CNBD1: variants seen among roughly 807,000 people sequenced by gnomAD.
CNBD1 encodes the protein cyclic nucleotide binding domain containing 1, also known as cyclic nucleotide-binding domain-containing protein 1.
Under a neutral mutation model 54.4 loss-of-function variants are expected in CNBD1, and 71 were observed. The observed-to-expected ratio is 1.30, with a 90% confidence interval of 1.08 to 1.59. The LOEUF (loss-of-function observed/expected upper bound fraction) is 1.59, where lower values mean the gene tolerates loss of function less well. CNBD1 is among the 40% of genes most tolerant of loss of function. CNBD1 has a pLI of 0.00. For missense variants in CNBD1, 659 were observed against 518.0 expected (o/e 1.27, Z -2.64); for synonymous variants, 182 against 170.7 (o/e 1.07, Z -0.51).
At chr8:87,409,859 C>A (rs1807710738) in intron 2 of CNBD1, among the ~76,000 whole-genome samples, 1 of 151,982 alleles carries the variant, frequency 6.6e-6, no homozygotes, top group East Asian at 2.0e-4. Context: ...CCCATCTCTA[C>A]TAAAATAGAA....
chr8:86,949,008 G>A (rs910633833), intron 4 of CNBD1, among the ~76,000 whole-genome samples: 4 of 152,082 alleles, frequency 2.6e-5, no homozygotes, highest in South Asian at 2.1e-4. Context: ...TGAAGAGATT[G>A]TCCTTTCCTC....
chr8:87,418,581 A>G (rs904121905), intron 2 of CNBD1, among the ~76,000 whole-genome samples: 2 of 151,962 alleles, frequency 1.3e-5, no homozygotes, highest in Admixed American at 6.6e-5. Context: ...ATGACCTACA[A>G]AAAAGGAAAA....
intron 4 of CNBD1, among the ~76,000 whole-genome samples, chr8:87,003,837 C>T (rs2130548970): frequency 6.6e-6 from 1 of 152,162 alleles, no homozygotes; most frequent in Non-Finnish European, 1.5e-5. Flanking sequence ...GGGAGACTAA[C>T]CACTGCAGGA....
At chr8:87,233,431 G>A (rs1807504529) in intron 5 of CNBD1, among the ~76,000 whole-genome samples, 1 of 152,118 alleles carries the variant, frequency 6.6e-6, no homozygotes. Flanking sequence ...GCATTATCGT[G>A]TAGTCTATTA....
intron 8 of CNBD1, among the ~76,000 whole-genome samples, chr8:87,320,195 C>T (rs944841336): frequency 6.6e-6 from 1 of 151,978 alleles, no homozygotes; most frequent in Non-Finnish European, 1.5e-5. Context: ...ACTAGCTTAA[C>T]TTTTTATTGT....
intron 4 of CNBD1, among the ~76,000 whole-genome samples, chr8:87,010,201 TCCTA>T (rs1265508370): frequency 6.6e-6 from 1 of 152,174 alleles, no homozygotes; most frequent in Non-Finnish European, 1.5e-5. Context: ...CAAATATTCT[TCCTA>T]CCTTTTTCCC....
At chr8:87,032,038 A>G (rs1809806251) in intron 4 of CNBD1, among the ~76,000 whole-genome samples, 1 of 152,180 alleles carries the variant, frequency 6.6e-6, no homozygotes, top group African/African-American at 2.4e-5. Context: ...CACAGTGCCC[A>G]GCCTAACCCT....
chr8:87,219,150 C>T (rs938669860), intron 5 of CNBD1, among the ~76,000 whole-genome samples: 1 of 151,966 alleles, frequency 6.6e-6, no homozygotes, highest in Non-Finnish European at 1.5e-5. Context: ...CTTAGACATA[C>T]GTGTGTCATT....
At chr8:87,319,366 A>G (rs895497790) in intron 8 of CNBD1, among the ~76,000 whole-genome samples, 1 of 152,148 alleles carries the variant, frequency 6.6e-6, no homozygotes, top group Admixed American at 6.6e-5. Context: ...ACATTGTTCT[A>G]AATGCCTTGC....
At chr8:87,198,310 A>T (rs1283570606) in intron 4 of CNBD1, among the ~76,000 whole-genome samples, 1 of 152,202 alleles carries the variant, frequency 6.6e-6, no homozygotes, top group Non-Finnish European at 1.5e-5. Flanking sequence ...AATGTGACTT[A>T]TCTACCAGCT....
chr8:87,296,759 A>G (rs1259583314), intron 8 of CNBD1, among the ~76,000 whole-genome samples: 1 of 152,140 alleles, frequency 6.6e-6, no homozygotes, highest in Non-Finnish European at 1.5e-5. Flanking sequence ...AAAACAGGCT[A>G]TAATTCATAA....
intron 3 of CNBD1, among the ~76,000 whole-genome samples, chr8:86,907,682 C>CA (rs1316838486): frequency 4.0e-5 from 6 of 149,916 alleles, no homozygotes; most frequent in Non-Finnish European, 7.4e-5. Context: ...AAAACAAAAA[C>CA]AAAAAAACAA....
intron 8 of CNBD1, among the ~76,000 whole-genome samples, chr8:87,348,184 G>A (rs994586763): frequency 6.6e-6 from 1 of 151,922 alleles, no homozygotes; most frequent in African/African-American, 2.4e-5. Context: ...TTGTATAATT[G>A]GAAATTAATC....
chr8:86,887,690 A>C, intron 2 of CNBD1, 79 bp downstream of exon 2: 1 of 998,360 alleles, frequency 1.0e-6, no homozygotes, highest in Non-Finnish European at 1.5e-6. Flanking sequence ...GTATAGTAAT[A>C]AACCATTGCT....
intron 4 of CNBD1, among the ~76,000 whole-genome samples, chr8:86,961,966 G>A (rs1807940030): frequency 6.6e-6 from 1 of 152,168 alleles, no homozygotes; most frequent in Non-Finnish European, 1.5e-5. Context: ...CCCTAGGGGT[G>A]GAGCACTTCA....
chr8:86,911,486 T>C (rs1211837185), intron 3 of CNBD1, among the ~76,000 whole-genome samples: 2 of 152,252 alleles, frequency 1.3e-5, no homozygotes, highest in Admixed American at 6.5e-5. Flanking sequence ...ATAGTAGATG[T>C]ATGTATTTTT....
chr8:87,220,190 T>C (rs1814300776), intron 5 of CNBD1, among the ~76,000 whole-genome samples: 1 of 152,070 alleles, frequency 6.6e-6, no homozygotes, highest in Non-Finnish European at 1.5e-5. Flanking sequence ...ATGAATATGA[T>C]GAATTCACTT....
At chr8:87,302,387 C>A (rs965907344) in intron 8 of CNBD1, among the ~76,000 whole-genome samples, 18 of 152,002 alleles carry the variant, frequency 1.2e-4, no homozygotes, top group Non-Finnish European at 2.2e-4. Context: ...ATTACAAAAA[C>A]CACATGATTA....
intron 6 of CNBD1, among the ~76,000 whole-genome samples, chr8:87,268,045 G>T (rs1808296649): frequency 6.6e-6 from 1 of 151,946 alleles, no homozygotes; most frequent in Admixed American, 6.6e-5. Flanking sequence ...TGTATGAATG[G>T]TCCCATCACC....
Sources: gnomAD v4.1 joint callset for allele counts (sites outside exome capture counted in the v4.1 genomes callset) on GRCh38, gnomAD v4.1.1 for gene constraint, MANE v1.5 for transcripts, NCBI Gene and HGNC (gene_info 2026-07-23, HGNC 2026-07-21) for gene names.